HTR1F: variants seen among roughly 807,000 people sequenced by gnomAD.
HTR1F encodes the protein 5-hydroxytryptamine (serotonin) receptor 1F, G protein-coupled.
A neutral mutation model predicts 24.0 loss-of-function variants in HTR1F; 17 were observed. The observed-to-expected ratio is 0.71, with a 90% CI of 0.48 to 1.06. HTR1F has a LOEUF of 1.06. Ranked by LOEUF, HTR1F falls within the 50% of genes least tolerant of loss-of-function variation. The probability of loss-of-function intolerance (pLI) is 0.00; values close to 1 mark genes in which losing one functional copy is unlikely to be tolerated. For synonymous variants in HTR1F, 186 were observed against 156.8 expected (o/e 1.19, Z -1.39); for missense variants, 391 against 427.8 (o/e 0.91, Z 0.76).
intron 2 of HTR1F, among the ~76,000 whole-genome samples, chr3:87,898,190 A>G (rs1706244507): frequency 6.6e-6 from 1 of 152,182 alleles, no homozygotes; most frequent in Non-Finnish European, 1.5e-5. Flanking sequence ...AGATTACAAT[A>G]CAGTGTGATA....
chr3:87,956,271 G>C (rs1474088107), intron 2 of HTR1F, among the ~76,000 whole-genome samples: 1 of 151,292 alleles, frequency 6.6e-6, no homozygotes, highest in East Asian at 1.9e-4. Flanking sequence ...GTATTTAATA[G>C]ACTTTCCTTC....
chr3:87,825,681 G>A (rs1209627334), intron 2 of HTR1F, among the ~76,000 whole-genome samples: 1 of 152,114 alleles, frequency 6.6e-6, no homozygotes, highest in Non-Finnish European at 1.5e-5. Context: ...AGTCGCACTC[G>A]CCTGTCTTCT....
intron 2 of HTR1F, among the ~76,000 whole-genome samples, chr3:87,914,660 AC>A (rs1703852904): frequency 6.6e-6 from 1 of 151,464 alleles, no homozygotes; most frequent in African/African-American, 2.4e-5. Context: ...CGGGAACCTC[AC>A]CCCCATCCTC....
chr3:87,991,926 CACTT>C lies in HTR1F; in HGVS notation c.*78_*81del. ...ACTAGATGAATGCCAAATAATAAAACACTTAAGCTTTTAGAGGGAAATACATGAA... is the reference window on the plus strand; with the variant it reads ...ACTAGATGAATGCCAAATAATAAAACAAGCTTTTAGAGGGAAATACATGAA... On this transcript the variant is annotated 3_prime_UTR_variant, in exon 3 of 3. Coordinates refer to ENST00000319595, the MANE Select transcript of HTR1F (RefSeq NM_001322209.2). The C allele has an allele frequency of 7.9e-7, 1 of 1,270,278 alleles. No homozygotes were observed. Among genetic ancestry groups the C allele is most frequent in the Non-Finnish European group, 1.1e-6 (1 of 923,772 alleles). 78.7% of individuals were successfully genotyped at this position (1,270,278 alleles called of 1,614,324 possible). A position where few individuals can be genotyped will look rare whatever the true frequency, so the allele number is the denominator to read the frequency against.
chr3:87,829,529 C>G (rs1704531960), intron 2 of HTR1F, among the ~76,000 whole-genome samples: 2 of 152,206 alleles, frequency 1.3e-5, no homozygotes, highest in African/African-American at 4.8e-5. Context: ...ACGGTCATTC[C>G]TCTGGGATTC....
rs1464977942 is a variant in HTR1F at position 87,844,286 on chromosome 3, G to C, written c.-43+22162G>C. Among the ~76,000 whole-genome samples the C allele has an allele frequency of 2.7e-5, 4 of 150,922 alleles. No homozygotes were observed. In the South Asian group the frequency reaches 6.2e-4, roughly 24 times the overall value. ...CGTTTCTCTGATGGCCAGTGATGGT[G>C]AGCATTTTTTCATGTGTTTTTTGGC... is the stretch of plus-strand genomic sequence containing the variant. On this transcript the variant is annotated intron_variant, in intron 2 of 2. Coordinates refer to ENST00000319595, the MANE Select transcript of HTR1F (RefSeq NM_001322209.2).
chr3:87,832,601 T>C (rs1704605611), intron 2 of HTR1F, among the ~76,000 whole-genome samples: 1 of 152,192 alleles, frequency 6.6e-6, no homozygotes, highest in Non-Finnish European at 1.5e-5. Context: ...GTGCAGGGAT[T>C]ACAGGCGTGA....
At chr3:87,899,008 G>A (rs957670668) in intron 2 of HTR1F, among the ~76,000 whole-genome samples, 7 of 152,058 alleles carry the variant, frequency 4.6e-5, no homozygotes, top group Admixed American at 4.6e-4. Context: ...CTGCTATGAG[G>A]AGCAAAACAC....
At chr3:87,958,592 A>T (rs533883233) in intron 2 of HTR1F, among the ~76,000 whole-genome samples, 1 of 151,806 alleles carries the variant, frequency 6.6e-6, no homozygotes, top group East Asian at 1.9e-4. Context: ...CCCTACAAGG[A>T]TATTAAAATC....
At chr3:87,922,176 C>T (rs1295948981) in intron 2 of HTR1F, among the ~76,000 whole-genome samples, 1 of 151,964 alleles carries the variant, frequency 6.6e-6, no homozygotes, top group Admixed American at 6.6e-5. Flanking sequence ...TCTCTCCATC[C>T]TACTTAGAAT....
intron 2 of HTR1F, among the ~76,000 whole-genome samples, chr3:87,959,664 A>T (rs775587459): frequency 2.6e-4 from 39 of 151,898 alleles, no homozygotes; most frequent in Non-Finnish European, 4.4e-4. Flanking sequence ...TGTTGAAAGG[A>T]TTTAAGATGT....
At chr3:87,853,439 A>G (rs1705131990) in intron 2 of HTR1F, among the ~76,000 whole-genome samples, 1 of 152,032 alleles carries the variant, frequency 6.6e-6, no homozygotes, top group Non-Finnish European at 1.5e-5. Context: ...CATGGTATAT[A>G]TGTATCATAT....
chr3:87,869,855 A>G (rs1705516927), intron 2 of HTR1F, among the ~76,000 whole-genome samples: 1 of 152,128 alleles, frequency 6.6e-6, no homozygotes, highest in African/African-American at 2.4e-5. Context: ...TGTTTGTTCA[A>G]ATATCTGGAT....
intron 2 of HTR1F, among the ~76,000 whole-genome samples, chr3:87,908,159 A>G (rs145630752): frequency 2.0e-4 from 30 of 152,176 alleles, no homozygotes; most frequent in African/African-American, 6.5e-4. Flanking sequence ...GATTTTATTC[A>G]AGTTGATATT....
Position 87,992,626 on chromosome 3 carries a change from GCTCT to G in HTR1F, c.*779_*782del, listed in dbSNP as rs1461689338. The G allele has an allele frequency of 6.0e-6, 1 of 166,924 alleles. No homozygotes were observed. The highest frequency in any genetic ancestry group is 1.5e-5 in the Non-Finnish European group (1 of 68,054). 10.3% of individuals were successfully genotyped at this position (166,924 alleles called of 1,614,324 possible). On this transcript the variant is annotated 3_prime_UTR_variant, in exon 3 of 3. Transcript: ENST00000319595. ...GGGCATGGGTGACGTTGTTATAATT[GCTCT>G]CTGTTTACTTAGGAATCAAATTTAA...
intron 2 of HTR1F, among the ~76,000 whole-genome samples, chr3:87,922,086 T>C (rs1248823722): frequency 1.3e-5 from 2 of 151,944 alleles, no homozygotes; most frequent in Non-Finnish European, 2.9e-5. Context: ...ACTTTTAGTT[T>C]CTTGAAGAAA....
chr3:87,961,382 T>A (rs545471831), intron 2 of HTR1F, among the ~76,000 whole-genome samples: 1 of 152,146 alleles, frequency 6.6e-6, no homozygotes, highest in Non-Finnish European at 1.5e-5. Context: ...GTGGGAGAGG[T>A]TTTAAATTTT....
intron 2 of HTR1F, among the ~76,000 whole-genome samples, chr3:87,903,408 T>C (rs919696649): frequency 1.3e-5 from 2 of 151,784 alleles, no homozygotes; most frequent in African/African-American, 4.8e-5. Context: ...GAATCTACAA[T>C]GAACTCAAAC....
In HTR1F at chr3:87,799,446, G is replaced by A. The variant is rs115528745; in HGVS notation, c.-160+6604G>A. Among the ~76,000 whole-genome samples, 1,433 of 152,062 alleles carry A rather than the reference G, an allele frequency of 9.4e-3. 20 individuals carry two copies. The highest frequency in any genetic ancestry group is 0.032 in the African/African-American group (1,333 of 41,466). On this transcript the variant is annotated intron_variant, in intron 1 of 2. Transcript: ENST00000319595. ...TTGTTAATGGAAAATTGATACTACT[G>A]CCACAAATAAGATGAAATGATAAAA...
Sources: allele counts gnomAD v4.1 joint callset (sites outside exome capture counted in the v4.1 genomes callset), GRCh38; gene constraint gnomAD v4.1.1; transcripts MANE v1.5; gene names NCBI Gene and HGNC (gene_info 2026-07-23, HGNC 2026-07-21).